The following MRPS12 variants were observed in gnomAD, a reference collection of about 807,000 sequenced individuals.
MRPS12 encodes the protein small ribosomal subunit protein uS12m.
A neutral mutation model predicts 8.4 loss-of-function variants in MRPS12; 7 were observed. The ratio of observed to expected loss-of-function variants is 0.83; its 90% confidence interval spans 0.47 to 1.56. The LOEUF is 1.56. MRPS12 is among the 40% of genes most tolerant of loss of function. MRPS12 has a pLI of 0.01. For missense variants in MRPS12, 200 were observed against 194.1 expected, an observed-to-expected ratio of 1.03 and a Z score of -0.18; for synonymous variants, 84 against 84.1, an observed-to-expected ratio of 1.00 and a Z score of 0.01.
intron 2 of MRPS12, chr19:38,931,932 C>T (rs752483798): frequency 7.7e-4 from 126 of 163,266 alleles, no homozygotes; most frequent in African/African-American, 7.4e-4. Flanking sequence ...GTCAGGAGTT[C>T]GAGACCAGCC....
At chr19:38,931,387 G>C in intron 2 of MRPS12, 44 bp downstream of exon 2, 1 of 1,528,500 alleles carries the variant, frequency 6.5e-7, no homozygotes, top group Non-Finnish European at 8.8e-7. Flanking sequence ...TAGAGGGGGA[G>C]GGTTATTCGC....
rs1974745664 is a variant in MRPS12 at position 38,931,334 on chromosome 19, C to G, written c.40C>G (p.Leu14Val). ...SGLLHGLNTS[L>V]TCGPALVPRL... ...CCTTCTCCATGGCCTCAACACGTCC[C>G]TAACTTGTGGTAAGTGGGGGACTTG... Residue 14 changes from leucine to valine, a missense_variant, in exon 2 of 3, where the codon CTA becomes GTA. Transcript: ENST00000308018. 4 of 1,600,422 alleles carry G rather than the reference C, an allele frequency of 2.5e-6. No individual in the cohort carries two copies. The highest frequency in any genetic ancestry group is 3.4e-6 in the Non-Finnish European group (4 of 1,173,844).
chr19:38,932,265 C>T, intron 2 of MRPS12, 68 bp from the exon 3 acceptor site: 2 of 1,477,126 alleles, frequency 1.4e-6, no homozygotes, highest in South Asian at 2.8e-5. Context: ...GCCTAAAACA[C>T]CAAAATTGAG....
rs531314723 is a variant in MRPS12 at position 38,931,523 on chromosome 19, G to C, written c.49+180G>C. The C allele has an allele frequency of 1.0e-5, 5 of 477,346 alleles. No homozygotes were observed. The Admixed American group carries it at 1.6e-4, about 15-fold the overall frequency. 29.6% of individuals were successfully genotyped at this position (477,346 alleles called of 1,614,324 possible). The stretch of plus-strand genomic sequence containing the variant: ...AAGCAGCTGCATGGAGGGCTACTGC[G>C]TGTCAAGCGGCGTTTGGGTCAGTTT... On this transcript the variant is annotated intron_variant, in intron 2 of 2. Transcript: ENST00000308018.
intron 2 of MRPS12, 118 bp from the exon 3 acceptor site, chr19:38,932,215 G>A: frequency 1.0e-6 from 1 of 993,572 alleles, no homozygotes; most frequent in Non-Finnish European, 1.4e-6. Context: ...GATAACATTA[G>A]ATGTGAACAA....
At position 38,931,471 on chromosome 19, in the gene MRPS12, GCTAGGGCTGCTAGAGC is replaced by G. The variant is rs1361181660; in HGVS notation, c.49+129_49+144del. On this transcript the variant is annotated intron_variant, in intron 2 of 2. Transcript: ENST00000308018. Reference sequence around the variant, plus strand: ...AAAAACACGGTGGGGTTTTGGCAGAGCTAGGGCTGCTAGAGCAAGAGGTGGGAAGCAGCTGCATGGA... The same window carrying G: ...AAAAACACGGTGGGGTTTTGGCAGAGAAGAGGTGGGAAGCAGCTGCATGGA... The G allele has an allele frequency of 5.9e-6, 5 of 844,992 alleles. No homozygotes were observed. The African/African-American group carries it at 9.1e-5, about 15-fold the overall frequency. 52.3% of individuals were successfully genotyped at this position (844,992 alleles called of 1,614,324 possible).
At position 38,931,271 on chromosome 19, in the gene MRPS12, C is replaced by T. The variant is rs749289775; in HGVS notation, c.-19-5C>T. 1.3e-6 allele frequency: 2 copies of T among 1,591,710 alleles called. No homozygotes were observed. Among genetic ancestry groups the T allele is most frequent in the East Asian group, 2.3e-5 (1 of 44,114 alleles). On this transcript the variant is annotated splice_polypyrimidine_tract_variant and splice_region_variant and intron_variant, in intron 1 of 2. Coordinates refer to ENST00000308018, the MANE Select transcript of MRPS12 (RefSeq NM_033362.4). ...CCTTTCTGAGTCTCTTATCCCCTAC[C>T]ACAGGGACGGCCCAGGTGGCAGGAT...
Position 38,932,627 on chromosome 19 carries a change from C to T in MRPS12, c.344C>T (p.Thr115Ile), listed in dbSNP as rs988440309. Residue 115 changes from threonine (T) to isoleucine (I), a missense_variant, in exon 3 of 3, where the codon ACC (threonine) becomes ATC (isoleucine). By Grantham distance (89) the Thr-to-Ile change is moderately conservative (BLOSUM62 -1). Coordinates refer to ENST00000308018, the MANE Select transcript of MRPS12 (RefSeq NM_033362.4). ...ATTGTCCTTGTGGAGGGCGGCCGCA[C>T]CCAGGACCTGCCAGGCGTCAAGCTC... ...HQIVLVEGGR[T>I]QDLPGVKLTV... is the part of the protein sequence containing the mutation. 2.5e-6 allele frequency: 4 copies of T among 1,613,736 alleles called. No individual in the cohort carries two copies. The highest frequency in any genetic ancestry group is 2.2e-5 in the East Asian group (1 of 44,884).
chr19:38,932,867 T>A lies in MRPS12; in HGVS notation c.*167T>A. On this transcript the variant is annotated 3_prime_UTR_variant, in exon 3 of 3. Coordinates refer to ENST00000308018, the MANE Select transcript of MRPS12 (RefSeq NM_033362.4). ...CAGGACCACTATTAAGCCATAGGAG[T>A]CCTGGGGGTGCAAAGGGTGCCCCTC... 4 of 1,004,302 alleles carry A rather than the reference T, an allele frequency of 4.0e-6. No individual in the cohort carries two copies. Among genetic ancestry groups the A allele is most frequent in the Non-Finnish European group, 5.7e-6 (4 of 706,184 alleles). The allele number at this position is 1,004,302 out of a possible 1,614,324, so 62.2% of individuals were successfully genotyped here. A position where few individuals can be genotyped will look rare whatever the true frequency, so the allele number is the denominator to read the frequency against.
At position 38,932,604 on chromosome 19, in the gene MRPS12, T is replaced by A. The variant is rs150622911; in HGVS notation, c.321T>A (p.Ile107=). The part of the protein sequence containing the change: ...GEGHTLQEHQ[I]VLVEGGRTQD... The stretch of plus-strand genomic sequence containing the variant: ...GCCACACCCTGCAGGAGCACCAGAT[T>A]GTCCTTGTGGAGGGCGGCCGCACCC... Residue 107 remains isoleucine, a synonymous_variant, in exon 3 of 3, where the codon ATT becomes ATA. Coordinates refer to ENST00000308018, the MANE Select transcript of MRPS12 (RefSeq NM_033362.4). 3.7e-6 allele frequency: 6 copies of A among 1,613,638 alleles called. No individual in the cohort carries two copies. The African/African-American group carries it at 6.7e-5, about 18-fold the overall frequency.
rs952804268 is a variant in MRPS12, at chr19:38,931,094, A to G, written c.-20+96A>G. On this transcript the variant is annotated intron_variant, in intron 1 of 2. Coordinates refer to ENST00000308018, the MANE Select transcript of MRPS12 (RefSeq NM_033362.4). ...GGGCGAGAGTGGTTGGGCCCTCGGG[A>G]ACCCACTCAGAGCGAGGCTAAATTT... 3 of 637,846 alleles carry G rather than the reference A, an allele frequency of 4.7e-6. No individual in the cohort carries two copies. In the Admixed American group the frequency reaches 8.6e-5, roughly 18 times the overall value. The allele number at this position is 637,846 out of a possible 1,614,324, so 39.5% of individuals were successfully genotyped here.
rs1456687463 is a variant in MRPS12 at position 38,932,716 on chromosome 19, T to C, written c.*16T>C. The C allele has an allele frequency of 9.3e-6, 15 of 1,609,014 alleles. No homozygotes were observed. The highest frequency in any genetic ancestry group is 1.2e-5 in the Non-Finnish European group (14 of 1,179,020). On this transcript the variant is annotated 3_prime_UTR_variant, in exon 3 of 3. Transcript: ENST00000308018. ...GAAGAAGTGACGGCTGGGGGCACAG[T>C]GGGCTGGGCGCCCCTGCAGAACATG...
chr19:38,932,445 C>T lies in MRPS12; in HGVS notation c.162C>T (p.Gly54=). The change falls in exon 3 of 3, where the codon GGC becomes GGT. Residue 54 remains glycine, a synonymous_variant. Coordinates refer to ENST00000308018, the MANE Select transcript of MRPS12 (RefSeq NM_033362.4). ...RPPRKLGPTE[G]RPQLKGVVLC... ...CTCGGAAGCTGGGCCCCACGGAAGG[C>T]CGGCCGCAGCTGAAGGGTGTGGTCC... The T allele has an allele frequency of 1.2e-6, 2 of 1,612,486 alleles. No individual in the cohort carries two copies. The highest frequency in any genetic ancestry group is 1.7e-6 in the Non-Finnish European group (2 of 1,179,108).
chr19:38,931,616 A>G, intron 2 of MRPS12: 1 of 302,444 alleles, frequency 3.3e-6, no homozygotes. Context: ...ATCACAGCTC[A>G]CTGCAGTCTC....
chr19:38,932,846 A>AC lies in MRPS12; in HGVS notation c.*148dup, dbSNP rs1208681188. The AC allele has an allele frequency of 5.8e-5, 68 of 1,169,836 alleles. No individual in the cohort carries two copies. In the East Asian group the frequency reaches 1.6e-3, roughly 27 times the overall value. The allele number at this position is 1,169,836 out of a possible 1,614,324, so 72.5% of individuals were successfully genotyped here. The stretch of plus-strand genomic sequence containing the variant: ...TCCTGGCTCCGCCTCTTCCATCAGG[A>AC]CCACTATTAAGCCATAGGAGTCCTG... On this transcript the variant is annotated 3_prime_UTR_variant, in exon 3 of 3. Coordinates refer to ENST00000308018, the MANE Select transcript of MRPS12 (RefSeq NM_033362.4).
Position 38,932,259 on chromosome 19 carries a change from A to G in MRPS12, c.50-74A>G, listed in dbSNP as rs1313672203. The G allele has an allele frequency of 2.7e-6, 4 of 1,471,076 alleles. No homozygotes were observed. In the Admixed American group the frequency reaches 7.3e-5, roughly 27 times the overall value. The allele number at this position is 1,471,076 out of a possible 1,614,324, so 91.1% of individuals were successfully genotyped here. On this transcript the variant is annotated intron_variant, in intron 2 of 2. Transcript: ENST00000308018. ...TTGTAAAGTGCTTTAAACAATGCCT[A>G]AAACACCAAAATTGAGTTGCTACTA...
chr19:38,932,323 C>G lies in MRPS12; in HGVS notation c.50-10C>G, dbSNP rs191568534. The stretch of plus-strand genomic sequence containing the variant: ...TCTCTGGGATAATAACCCCTTTCGG[C>G]CCTCTCCAGGCCCAGCTCTGGTTCC... On this transcript the variant is annotated splice_polypyrimidine_tract_variant and intron_variant, in intron 2 of 2. Transcript: ENST00000308018. 1.3e-4 allele frequency: 190 copies of G among 1,512,284 alleles called. No homozygotes were observed. The African/African-American group carries it at 2.3e-3, about 18-fold the overall frequency. 93.7% of individuals were successfully genotyped at this position (1,512,284 alleles called of 1,614,324 possible).
rs761993407 is a variant in MRPS12, at chr19:38,932,677, T to C, written c.394T>C (p.Cys132Arg). The change falls in exon 3 of 3, where the codon TGT (cysteine) becomes CGT (arginine). Residue 132 changes from cysteine (C) to arginine (R), a missense_variant. Transcript: ENST00000308018. Reference protein sequence around the residue: ...KLTVVRGKYDCGHVQKK With the variant: ...KLTVVRGKYDRGHVQKK The stretch of plus-strand genomic sequence containing the variant: ...CACCGTTGTGCGTGGCAAGTACGAC[T>C]GTGGCCACGTGCAGAAGAAGTGACG... 9 of 1,613,216 alleles carry C rather than the reference T, an allele frequency of 5.6e-6. No individual in the cohort carries two copies. The highest frequency in any genetic ancestry group is 3.3e-5 in the Admixed American group (2 of 60,002).
intron 1 of MRPS12, 135 bp from the exon 2 acceptor site, chr19:38,931,141 A>C: frequency 1.3e-6 from 1 of 751,310 alleles, no homozygotes. Context: ...TTCTGTTAGC[A>C]GCATGAGGGC....
Sources: allele counts gnomAD v4.1 joint callset, GRCh38; gene constraint gnomAD v4.1.1; transcripts MANE v1.5; gene names NCBI Gene and HGNC (gene_info 2026-07-23, HGNC 2026-07-21).